Variants in PALD1 observed in about 807,000 individuals in gnomAD.
PALD1 encodes the protein phosphatase domain containing paladin 1, also known as paladin.
A neutral mutation model predicts 96.0 loss-of-function variants in PALD1; 57 were observed. That is an observed-to-expected ratio of 0.59 (90% CI 0.48 to 0.74). The LOEUF (loss-of-function observed/expected upper bound fraction) is 0.74, where lower values mean the gene tolerates loss of function less well. Among genes scored for constraint, PALD1 ranks in the 30% least tolerant of loss-of-function variants. The pLI is 0.00. For synonymous variants in PALD1, 464 were observed against 473.6 expected (o/e 0.98, Z 0.26); for missense variants, 1,063 against 1,143.7 (o/e 0.93, Z 1.02).
At chr10:70,502,275 A>T (rs1846314203) in intron 1 of PALD1, among the ~76,000 whole-genome samples, 1 of 152,148 alleles carries the variant, frequency 6.6e-6, no homozygotes, top group African/African-American at 2.4e-5. Flanking sequence ...GTATTTGCTT[A>T]TGTTGGCTTT....
chr10:70,541,043 G>C lies in PALD1; in HGVS notation c.1909-59G>C, dbSNP rs926601985. The C allele has an allele frequency of 1.4e-5, 22 of 1,523,068 alleles. No individual in the cohort carries two copies. In the Admixed American group the frequency reaches 1.7e-4, roughly 12 times the overall value. 94.3% of individuals were successfully genotyped at this position (1,523,068 alleles called of 1,614,324 possible). A position where few individuals can be genotyped will look rare whatever the true frequency, so the allele number is the denominator to read the frequency against. On this transcript the variant is annotated intron_variant, in intron 15 of 19. Coordinates refer to ENST00000263563, the MANE Select transcript of PALD1 (RefSeq NM_014431.3). ...GGGCTGCCATGTGGATGGGGACCCT[G>C]TTGGGGTTTGTGCATCCAAGAGACG... is the stretch of plus-strand genomic sequence containing the variant.
intron 1 of PALD1, among the ~76,000 whole-genome samples, chr10:70,501,839 G>GTGCGCA (rs1554854872): frequency 5.9e-5 from 9 of 151,302 alleles, no homozygotes; most frequent in African/African-American, 2.2e-4. Context: ...GTGTGTGCGT[G>GTGCGCA]CGTGCATGCA....
chr10:70,545,143 C>T (rs2132408488), intron 17 of PALD1, among the ~76,000 whole-genome samples: 1 of 151,808 alleles, frequency 6.6e-6, no homozygotes, highest in South Asian at 2.1e-4. Context: ...TGGCTGTCGA[C>T]CACGGGACAG....
At chr10:70,486,864 C>T (rs1846023306) in intron 1 of PALD1, among the ~76,000 whole-genome samples, 1 of 152,186 alleles carries the variant, frequency 6.6e-6, no homozygotes, top group Non-Finnish European at 1.5e-5. Context: ...TCCCTTCCTC[C>T]CGAGGCAGCC....
At chr10:70,494,522 C>G (rs758200637) in intron 1 of PALD1, among the ~76,000 whole-genome samples, 2 of 152,228 alleles carry the variant, frequency 1.3e-5, no homozygotes, top group Admixed American at 6.5e-5. Flanking sequence ...CAGTTGCCAC[C>G]TCCTCTTCCC....
intron 18 of PALD1, among the ~76,000 whole-genome samples, chr10:70,556,131 A>G (rs1372563203): frequency 1.3e-5 from 2 of 152,072 alleles, no homozygotes; most frequent in Non-Finnish European, 2.9e-5. Context: ...CTGTCACATA[A>G]AATAGAACCC....
chr10:70,533,136 G>C, intron 7 of PALD1, 66 bp downstream of exon 7: 2 of 1,317,854 alleles, frequency 1.5e-6, no homozygotes, highest in Non-Finnish European at 1.1e-6. Flanking sequence ...GGTGCTCAGG[G>C]TGGGCACAGC....
the PALD1 span, among the ~76,000 whole-genome samples, chr10:70,466,389 T>C: frequency 6.6e-6 from 1 of 151,918 alleles, no homozygotes; most frequent in Non-Finnish European, 1.5e-5. Context: ...GGATTATAGG[T>C]GCCCGCCACC....
At chr10:70,475,764 C>T (rs1189624575), upstream of PALD1, among the ~76,000 whole-genome samples, 1 of 152,080 alleles carries the variant, frequency 6.6e-6, no homozygotes, top group South Asian at 2.1e-4. Context: ...CTTGGGAGCT[C>T]TCTCCCAAGA....
chr10:70,479,732 G>A (rs540808563), intron 1 of PALD1, among the ~76,000 whole-genome samples: 2 of 152,310 alleles, frequency 1.3e-5, no homozygotes, highest in South Asian at 2.1e-4. Context: ...GGAATCTTCT[G>A]GGCATCTCTA....
chr10:70,467,359 G>A, the PALD1 span, among the ~76,000 whole-genome samples: 1 of 151,598 alleles, frequency 6.6e-6, no homozygotes, highest in African/African-American at 2.4e-5. Context: ...ATATTTGAGG[G>A]GCAGTCCCCC....
chr10:70,511,534 A>G (rs949456548), intron 1 of PALD1, among the ~76,000 whole-genome samples: 3 of 152,222 alleles, frequency 2.0e-5, no homozygotes, highest in African/African-American at 7.2e-5. Context: ...GCTATCACAG[A>G]ATATCATGGA....
chr10:70,564,918 CG>C (rs1380895171), intron 19 of PALD1, among the ~76,000 whole-genome samples: 1 of 152,198 alleles, frequency 6.6e-6, no homozygotes, highest in Non-Finnish European at 1.5e-5. Context: ...CTGTGCTCCG[CG>C]AGGGCCTAGG....
intron 18 of PALD1, among the ~76,000 whole-genome samples, chr10:70,554,463 A>G (rs73272660): frequency 0.064 from 9,798 of 152,106 alleles, 1,124 homozygotes; most frequent in African/African-American, 0.22. Context: ...CTGCCTCAAA[A>G]GGAAAAAAGA....
At chr10:70,561,138 C>A (rs1847730249) in intron 18 of PALD1, among the ~76,000 whole-genome samples, 1 of 152,222 alleles carries the variant, frequency 6.6e-6, no homozygotes, top group Non-Finnish European at 1.5e-5. Context: ...CCACCTCTTA[C>A]CCCAGAGAAT....
chr10:70,537,402 C>T (rs1181643088), intron 10 of PALD1, among the ~76,000 whole-genome samples: 1 of 152,254 alleles, frequency 6.6e-6, no homozygotes, highest in Non-Finnish European at 1.5e-5. Flanking sequence ...CCGCACCCAG[C>T]CAGGTTCCAG....
chr10:70,539,790 CTG>C lies in PALD1; in HGVS notation c.1908+29_1908+30del. Reference sequence around the variant, plus strand: ...GAGGGTGCTGCTCAGGCTGAGGCCTCTGGGGAGGGACAGGAGGCCTCCCTGTC... The same window carrying C: ...GAGGGTGCTGCTCAGGCTGAGGCCTCGGGAGGGACAGGAGGCCTCCCTGTC... On this transcript the variant is annotated intron_variant, in intron 15 of 19. Transcript: ENST00000263563. The surrounding 1 kb of genome is among the most constrained non-coding windows in gnomAD (Gnocchi z 4.5). 2 of 1,580,882 alleles carry C rather than the reference CTG, an allele frequency of 1.3e-6. No homozygotes were observed. Among genetic ancestry groups the C allele is most frequent in the Non-Finnish European group, 1.7e-6 (2 of 1,166,856 alleles).
chr10:70,521,067 G>A (rs1376338787), intron 1 of PALD1, among the ~76,000 whole-genome samples: 1 of 152,208 alleles, frequency 6.6e-6, no homozygotes, highest in African/African-American at 2.4e-5. Context: ...TGCCATTAGA[G>A]CTGCAGCCTG....
At position 70,500,136 on chromosome 10, in the gene PALD1, G is replaced by A. The variant is rs527600097; in HGVS notation, c.-30+21077G>A. Among the ~76,000 whole-genome samples the A allele has an allele frequency of 3.0e-4, 46 of 152,306 alleles. 2 individuals are homozygous for A. The highest frequency in any genetic ancestry group is 6.8e-3 in the Middle Eastern group (2 of 294). ...CGAGCCCACACAGTCTGCATTCAAC[G>A]CCCTGCTTGCTCATTGGTCTGGTGT... On this transcript the variant is annotated intron_variant, in intron 1 of 19. Transcript: ENST00000263563.
Sources: gnomAD v4.1 joint callset for allele counts (sites outside exome capture counted in the v4.1 genomes callset) on GRCh38, gnomAD v4.1.1 for gene constraint, Gnocchi (gnomAD v3.1) non-coding constraint, MANE v1.5 for transcripts, NCBI Gene and HGNC (gene_info 2026-07-23, HGNC 2026-07-21) for gene names.